The following MAP3K6 variants were observed in gnomAD, a reference collection of about 807,000 sequenced individuals.
The protein encoded by MAP3K6 is apoptosis signal-regulating kinase 2.
MAP3K6 carries 105 observed loss-of-function variants against 147.1 expected under a neutral mutation model. The ratio of observed to expected loss-of-function variants is 0.71; its 90% CI spans 0.61 to 0.84. The LOEUF is 0.84. MAP3K6 is among the 40% of genes least tolerant of loss of function. The probability of loss-of-function intolerance (pLI) is 0.00; values close to 1 mark genes in which losing one functional copy is unlikely to be tolerated. For missense variants in MAP3K6, 1,569 were observed against 1,715.0 expected, an observed-to-expected ratio of 0.91 and a Z score of 1.50; for synonymous variants, 695 against 732.4, an observed-to-expected ratio of 0.95 and a Z score of 0.82.
At position 27,362,870 on chromosome 1, in the gene MAP3K6, G is replaced by T. The variant is rs759869355; in HGVS notation, c.1123C>A (p.Arg375=). 1.2e-6 allele frequency: 2 copies of T among 1,613,892 alleles called. No homozygotes were observed. Among genetic ancestry groups the T allele is most frequent in the African/African-American group, 2.7e-5 (2 of 74,904 alleles). ...FSSGFQDAGH[R]EQAYHWYRKA... ...CTTTACCAGTGATAGGCCTGCTCCCGGTGCCCAGCATCCTGGAAACCCGAG... is the reference window on the plus strand; with the variant it reads ...CTTTACCAGTGATAGGCCTGCTCCCTGTGCCCAGCATCCTGGAAACCCGAG... The change falls in exon 7 of 29, where the codon CGG becomes AGG. Residue 375 remains arginine (R), a synonymous_variant. Transcript: ENST00000357582.
chr1:27,357,659 A>C, intron 22 of MAP3K6, 52 bp downstream of exon 22: 1 of 1,594,472 alleles, frequency 6.3e-7, no homozygotes, highest in Non-Finnish European at 8.5e-7. Flanking sequence ...GGACATCAAC[A>C]GGTGTCCTGA....
Position 27,366,291 on chromosome 1 carries a change from C to T in MAP3K6, c.307G>A (p.Asp103Asn), listed in dbSNP as rs949722308. Residue 103 changes from aspartate (D) to asparagine (N), a missense_variant, in exon 1 of 29, where the codon GAC becomes AAC. Transcript: ENST00000357582. The surrounding 1 kb of genome is among the most constrained non-coding windows in gnomAD (Gnocchi z 5.5). ...SLPFGTLELG[D>N]TAALDAFYNA... ...TAGAAGGCATCCAGAGCCGCGGTGT[C>T]GCCTAGCTCCAGCGTCCCGAAGGGC... The T allele has an allele frequency of 2.0e-5, 27 of 1,333,996 alleles. No individual in the cohort carries two copies. The highest frequency in any genetic ancestry group is 2.5e-5 in the Non-Finnish European group (26 of 1,043,572). 82.6% of individuals were successfully genotyped at this position (1,333,996 alleles called of 1,614,324 possible). A position where few individuals can be genotyped will look rare whatever the true frequency, so the allele number is the denominator to read the frequency against.
At position 27,361,002 on chromosome 1, in the gene MAP3K6, G is replaced by A. The variant is rs1450976432; in HGVS notation, c.1839C>T (p.Cys613=). The change falls in exon 14 of 29, where the codon TGC becomes TGT. Residue 613 remains cysteine (C), a synonymous_variant. Coordinates refer to ENST00000357582, the MANE Select transcript of MAP3K6 (RefSeq NM_004672.5). ...TCGTCACCCAGGCCTGGATCAGGCC[G>A]CAGAACCTGAAGGTGGGGGAGGTCA... is the stretch of plus-strand genomic sequence containing the variant. ...FPSVGHCQWF[C]GLIQAWVTNP... The A allele has an allele frequency of 3.8e-6, 6 of 1,592,642 alleles. No homozygotes were observed. Among genetic ancestry groups the A allele is most frequent in the African/African-American group, 1.3e-5 (1 of 74,362 alleles).
At chr1:27,357,911 G>GC in intron 21 of MAP3K6, 35 bp from the exon 22 acceptor site, 1 of 1,542,988 alleles carries the variant, frequency 6.5e-7, no homozygotes, top group Non-Finnish European at 8.7e-7. Flanking sequence ...TTGAGGACGG[G>GC]CAGCAACCGG....
chr1:27,363,786 G>A, intron 5 of MAP3K6, 131 bp downstream of exon 5: 1 of 962,486 alleles, frequency 1.0e-6, no homozygotes, highest in South Asian at 1.7e-5. Flanking sequence ...CAAATAAGGA[G>A]GCCAACACTC....
chr1:27,359,571 A>T lies in MAP3K6; in HGVS notation c.2320-49T>A, dbSNP rs2015666984. On this transcript the variant is annotated intron_variant, in intron 17 of 28. Coordinates refer to ENST00000357582, the MANE Select transcript of MAP3K6 (RefSeq NM_004672.5). This position sits in a 1 kb window ranked among gnomAD's most constrained non-coding sequence, Gnocchi z 4.4. ...ACTGGTCTGGGCCCCTGCCAGCAGA[A>T]GTAGACCCTCTTTCTGGGATCCCAT... is the stretch of plus-strand genomic sequence containing the variant. The T allele has an allele frequency of 1.2e-6, 2 of 1,611,542 alleles. No individual in the cohort carries two copies. The highest frequency in any genetic ancestry group is 2.2e-5 in the South Asian group (2 of 90,906).
chr1:27,359,866 C>A lies in MAP3K6; in HGVS notation c.2311G>T (p.Asp771Tyr), dbSNP rs1435350339. The A allele has an allele frequency of 6.2e-7, 1 of 1,614,040 alleles. No homozygotes were observed. Among genetic ancestry groups the A allele is most frequent in the Non-Finnish European group, 8.5e-7 (1 of 1,180,028 alleles). Residue 771 changes from aspartate to tyrosine, a missense_variant, in exon 17 of 29, where the codon GAC becomes TAC. Physicochemically the swap from Asp to Tyr is radical, Grantham distance 160. Coordinates refer to ENST00000357582, the MANE Select transcript of MAP3K6 (RefSeq NM_004672.5). This position sits in a 1 kb window ranked among gnomAD's most constrained non-coding sequence, Gnocchi z 4.4. The part of the protein sequence containing the change: ...YLHDNHIVHR[D>Y]IKGDNVLINT... ...CCAGCCCCAGGGCTTACTTTTATGT[C>A]CCTGTGCACGATGTGGTTGTCGTGC...
In MAP3K6 at chr1:27,360,818, C is replaced by G. The variant is rs200851128; in HGVS notation, c.1941G>C (p.Glu647Asp). Residue 647 changes from glutamate to aspartate, a missense_variant, in exon 15 of 29, where the codon GAG (glutamate) becomes GAC (aspartate). Coordinates refer to ENST00000357582, the MANE Select transcript of MAP3K6 (RefSeq NM_004672.5). The surrounding 1 kb of genome is among the most constrained non-coding windows in gnomAD (Gnocchi z 4.5). ...TGCCCAGCACCAGCCGCTCGCCCGTCTCCGTGTACTCATAATCAAACTGCC... is the reference window on the plus strand; with the variant it reads ...TGCCCAGCACCAGCCGCTCGCCCGTGTCCGTGTACTCATAATCAAACTGCC... Reference protein sequence around the residue: ...EMLEFDYEYTETGERLVLGKG... With the variant: ...EMLEFDYEYTDTGERLVLGKG... 8.1e-6 allele frequency: 13 copies of G among 1,612,750 alleles called. No individual in the cohort carries two copies. Among genetic ancestry groups the G allele is most frequent in the African/African-American group, 5.3e-5 (4 of 74,944 alleles).
Position 27,359,395 on chromosome 1 carries a change from C to T in MAP3K6, c.2425+22G>A, listed in dbSNP as rs1353300752. 1 of 1,613,914 alleles carries T rather than the reference C, an allele frequency of 6.2e-7. No individual in the cohort carries two copies. On this transcript the variant is annotated intron_variant, in intron 18 of 28. Coordinates refer to ENST00000357582, the MANE Select transcript of MAP3K6 (RefSeq NM_004672.5). The surrounding 1 kb of genome is among the most constrained non-coding windows in gnomAD (Gnocchi z 4.4). ...TCTGCCCCAGGTCAGCATCCCCACT[C>T]ACCACCCCCACACCTTGTTACCTGT... is the stretch of plus-strand genomic sequence containing the variant.
chr1:27,364,858 TGGTAGAACA>T lies in MAP3K6; in HGVS notation c.386_394del (p.Leu129_Tyr131del). On this transcript the variant is annotated inframe_deletion, in exon 2 of 29. Coordinates refer to ENST00000357582, the MANE Select transcript of MAP3K6 (RefSeq NM_004672.5). The surrounding 1 kb of genome is among the most constrained non-coding windows in gnomAD (Gnocchi z 4.4). Reference sequence around the variant, plus strand: ...GCTGAAGCTCTCACGCACACCAAGGTGGTAGAACAGGGAGGGCTGTACCAGCGAGCTGCT... The same window carrying T: ...GCTGAAGCTCTCACGCACACCAAGGTGGGAGGGCTGTACCAGCGAGCTGCT... 1 of 1,611,910 alleles carries T rather than the reference TGGTAGAACA, an allele frequency of 6.2e-7. No homozygotes were observed. Among genetic ancestry groups the T allele is most frequent in the Non-Finnish European group, 8.5e-7 (1 of 1,178,418 alleles).
chr1:27,365,194 G>A (rs1179831667), intron 1 of MAP3K6, among the ~76,000 whole-genome samples: 2 of 152,208 alleles, frequency 1.3e-5, no homozygotes, highest in Non-Finnish European at 1.5e-5. Flanking sequence ...TGGACCAGTT[G>A]AGTCTGTTAC....
At position 27,358,465 on chromosome 1, in the gene MAP3K6, T is replaced by C. The variant is rs1411135076; in HGVS notation, c.2730A>G (p.Lys910=). The C allele has an allele frequency of 1.3e-6, 2 of 1,593,808 alleles. 1 individual carries two copies. The highest frequency in any genetic ancestry group is 2.3e-5 in the South Asian group (2 of 88,422). The change falls in exon 20 of 29, where the codon AAA becomes AAG. Residue 910 remains lysine (K), a synonymous_variant. Coordinates refer to ENST00000357582, the MANE Select transcript of MAP3K6 (RefSeq NM_004672.5). The surrounding 1 kb of genome is among the most constrained non-coding windows in gnomAD (Gnocchi z 6.2). ...GTGGGGAGCTGGGGCTGCGGCTCCT[T>C]TTCCCAGGCTGCAGGAAGGGGTCCC... is the stretch of plus-strand genomic sequence containing the variant. The part of the protein sequence containing the change: ...LLGDPFLQPG[K]RSRSPSSPRH...
At position 27,358,753 on chromosome 1, in the gene MAP3K6, G is replaced by C. The variant is rs1394440303; in HGVS notation, c.2539C>G (p.Pro847Ala). 6.8e-6 allele frequency: 11 copies of C among 1,614,002 alleles called. No individual in the cohort carries two copies. The highest frequency in any genetic ancestry group is 9.3e-6 in the Non-Finnish European group (11 of 1,179,988). ...CTVIEMATGR[P>A]PFHELGSPQA... ...GGGCTCCCGAGCTCGTGGAAGGGGG[G>C]GCGACCTGTGGCCATCTCAATGACA... Residue 847 changes from proline to alanine, a missense_variant, in exon 19 of 29, where the codon CCC becomes GCC. By Grantham distance (27) the Pro-to-Ala change is conservative. Transcript: ENST00000357582. This position sits in a 1 kb window ranked among gnomAD's most constrained non-coding sequence, Gnocchi z 6.2.
At position 27,356,068 on chromosome 1, in the gene MAP3K6, C is replaced by T; in HGVS notation, c.3669G>A (p.Gln1223=). ...TALSTDQGLV[Q]WLQELNVDSG... ...AATCCACATTCAGTTCCTGTAGCCA[C>T]TGCACCAGGCCCTGGTCCGTTGAAA... is the stretch of plus-strand genomic sequence containing the variant. Residue 1223 remains glutamine, a synonymous_variant, in exon 27 of 29, where the codon CAG becomes CAA. Transcript: ENST00000357582. 6.2e-7 allele frequency: 1 copy of T among 1,614,198 alleles called. No individual in the cohort carries two copies. Among genetic ancestry groups the T allele is most frequent in the Non-Finnish European group, 8.5e-7 (1 of 1,180,038 alleles).
Position 27,364,231 on chromosome 1 carries a change from A to G in MAP3K6, c.668T>C (p.Leu223Pro). 1 of 1,612,650 alleles carries G rather than the reference A, an allele frequency of 6.2e-7. No individual in the cohort carries two copies. ...AGAGTCTGTGGGTGTGGCCTCCAGC[A>G]GGCGGGCAAGCCGGCCCACCAGGGG... ...LTPLVGRLAR[L>P]LEATPTDSCG... The change falls in exon 4 of 29, where the codon CTG (leucine) becomes CCG (proline). Residue 223 changes from leucine to proline, a missense_variant. Leu to Pro is a moderately conservative substitution (Grantham distance 98). Transcript: ENST00000357582. This position sits in a 1 kb window ranked among gnomAD's most constrained non-coding sequence, Gnocchi z 4.4.
At position 27,361,826 on chromosome 1, in the gene MAP3K6, T is replaced by G. The variant is rs768813486; in HGVS notation, c.1457A>C (p.His486Pro). The change falls in exon 10 of 29, where the codon CAC becomes CCC. Residue 486 changes from histidine to proline, a missense_variant. By Grantham distance (77) the His-to-Pro change is moderately conservative. Transcript: ENST00000357582. ...SVMETFLLYQ[H>P]FRPTPEPPGG... ...AGGGGGCTCTGGCGTGGGCCTGAAG[T>G]GCTGGTAGAGCAGGAAGGTCTCCAT... 1 of 1,594,550 alleles carries G rather than the reference T, an allele frequency of 6.3e-7. No individual in the cohort carries two copies. Among genetic ancestry groups the G allele is most frequent in the South Asian group, 1.1e-5 (1 of 88,500 alleles).
At position 27,360,328 on chromosome 1, in the gene MAP3K6, G is replaced by T. The variant is rs750953368; in HGVS notation, c.2095C>A (p.Arg699Ser). Reference sequence around the variant, plus strand: ...CGCACTATGTTCTTGTGGCGCAGGCGTCTGTGAAGAGCGATCTCTTCATGC... The same window carrying T: ...CGCACTATGTTCTTGTGGCGCAGGCTTCTGTGAAGAGCGATCTCTTCATGC... The part of the protein sequence containing the change: ...PLHEEIALHR[R>S]LRHKNIVRYL... The change falls in exon 16 of 29, where the codon CGC (arginine) becomes AGC (serine). Residue 699 changes from arginine to serine, a missense_variant. Arg to Ser is a moderately radical substitution (Grantham distance 110). Transcript: ENST00000357582. This position sits in a 1 kb window ranked among gnomAD's most constrained non-coding sequence, Gnocchi z 4.5. 6.2e-7 allele frequency: 1 copy of T among 1,614,038 alleles called. No individual in the cohort carries two copies. The highest frequency in any genetic ancestry group is 8.5e-7 in the Non-Finnish European group (1 of 1,179,988).
Position 27,360,139 on chromosome 1 carries a change from C to T in MAP3K6, c.2182+102G>A. On this transcript the variant is annotated intron_variant, in intron 16 of 28. Transcript: ENST00000357582. The surrounding 1 kb of genome is among the most constrained non-coding windows in gnomAD (Gnocchi z 4.5). ...AGCTAATTCTAGGCTACACCACCCA[C>T]ACGCACTAGGGTGCATTTCCCCCTA... is the stretch of plus-strand genomic sequence containing the variant. The T allele has an allele frequency of 1.3e-6, 2 of 1,577,674 alleles. No individual in the cohort carries two copies. Among genetic ancestry groups the T allele is most frequent in the Non-Finnish European group, 1.7e-6 (2 of 1,157,332 alleles).
In MAP3K6 at chr1:27,364,926, G is replaced by A; in HGVS notation, c.341-14C>T. On this transcript the variant is annotated splice_polypyrimidine_tract_variant and intron_variant, in intron 1 of 28. Transcript: ENST00000357582. The surrounding 1 kb of genome is among the most constrained non-coding windows in gnomAD (Gnocchi z 4.4). ...GCACCACCACATCTGCAGGCACAGAGGGGGTGGCGCTGATCCCTGAAGCCC... is the reference window on the plus strand; with the variant it reads ...GCACCACCACATCTGCAGGCACAGAAGGGGTGGCGCTGATCCCTGAAGCCC... 1 of 1,572,894 alleles carries A rather than the reference G, an allele frequency of 6.4e-7. No homozygotes were observed. The highest frequency in any genetic ancestry group is 2.3e-5 in the East Asian group (1 of 44,388).
Sources: allele counts gnomAD v4.1 joint callset (sites outside exome capture counted in the v4.1 genomes callset), GRCh38; gene constraint gnomAD v4.1.1; non-coding constraint Gnocchi (gnomAD v3.1); transcripts MANE v1.5; gene names NCBI Gene and HGNC (gene_info 2026-07-23, HGNC 2026-07-21).